Variants in FBXL7 observed in about 807,000 individuals in gnomAD.
The protein encoded by FBXL7 is F-box and leucine rich repeat protein 7.
FBXL7 carries 12 observed loss-of-function variants against 38.3 expected under a neutral mutation model. The observed-to-expected ratio is 0.31, with a 90% CI of 0.20 to 0.51. The LOEUF is 0.51. FBXL7 is among the 20% of genes least tolerant of loss of function. FBXL7 has a pLI of 0.98. For synonymous variants in FBXL7, 297 were observed against 300.9 expected (o/e 0.99, Z 0.13); for missense variants, 567 against 676.4 (o/e 0.84, Z 1.79).
At chr5:15,551,700 A>G (rs1738076433) in intron 1 of FBXL7, among the ~76,000 whole-genome samples, 1 of 152,190 alleles carries the variant, frequency 6.6e-6, no homozygotes, top group Non-Finnish European at 1.5e-5. Flanking sequence ...CAAAAAATCC[A>G]TTTTATGCCT....
chr5:15,675,947 T>C (rs1742641456), intron 2 of FBXL7, among the ~76,000 whole-genome samples: 1 of 152,186 alleles, frequency 6.6e-6, no homozygotes, highest in Non-Finnish European at 1.5e-5. Flanking sequence ...GCAACATTAA[T>C]GGAGACAGGG....
chr5:15,722,758 A>C lies in FBXL7; in HGVS notation c.127+106686A>C, dbSNP rs1037108616. On this transcript the variant is annotated intron_variant, in intron 2 of 3. Transcript: ENST00000504595. ...GCCAACGTGGTGAAACCCCGTCTCT[A>C]CTAAAAATACAAAAATTAGCCCAGC... 7.9e-5 allele frequency among the ~76,000 whole-genome samples: 12 copies of C among 152,218 alleles called. 1 individual carries two copies. In the South Asian group the frequency reaches 2.3e-3, roughly 29 times the overall value.
At chr5:15,735,708 A>G (rs763448826) in intron 2 of FBXL7, among the ~76,000 whole-genome samples, 3 of 152,242 alleles carry the variant, frequency 2.0e-5, no homozygotes, top group Non-Finnish European at 2.9e-5. Context: ...GAATGTCCGG[A>G]GAGAAGGGCT....
chr5:15,821,768 G>T (rs569651220), intron 2 of FBXL7, among the ~76,000 whole-genome samples: 23 of 152,148 alleles, frequency 1.5e-4, no homozygotes, highest in Admixed American at 8.5e-4. Flanking sequence ...TCCCCACCAA[G>T]CTCTACTTCC....
chr5:15,762,955 CT>C (rs1293671910), intron 2 of FBXL7, among the ~76,000 whole-genome samples: 1 of 152,052 alleles, frequency 6.6e-6, no homozygotes, highest in African/African-American at 2.4e-5. Flanking sequence ...AGTTTTTTCC[CT>C]TCTTAAATGG....
chr5:15,824,737 T>C (rs918926581), intron 2 of FBXL7, among the ~76,000 whole-genome samples: 9 of 152,322 alleles, frequency 5.9e-5, no homozygotes, highest in Middle Eastern at 6.8e-3. Flanking sequence ...CTGAGTCATG[T>C]TGGAAAACAC....
At chr5:15,812,824 T>G (rs1251643265) in intron 2 of FBXL7, among the ~76,000 whole-genome samples, 1 of 152,190 alleles carries the variant, frequency 6.6e-6, no homozygotes, top group Non-Finnish European at 1.5e-5. Flanking sequence ...TGGTTTGTAG[T>G]TCTCCTTGAA....
chr5:15,779,039 C>A (rs2126718867), intron 2 of FBXL7, among the ~76,000 whole-genome samples: 1 of 152,158 alleles, frequency 6.6e-6, no homozygotes, highest in South Asian at 2.1e-4. Flanking sequence ...TGATAATTGT[C>A]ATTACAGTAG....
At position 15,699,845 on chromosome 5, in the gene FBXL7, G is replaced by T. The variant is rs572529491; in HGVS notation, c.127+83773G>T. ...GCCCTGCCAGATCACAGCCCTAATT[G>T]ATGTTCTGCTGAATGTATTGGGTAA... On this transcript the variant is annotated intron_variant, in intron 2 of 3. Coordinates refer to ENST00000504595, the MANE Select transcript of FBXL7 (RefSeq NM_012304.5). Among the ~76,000 whole-genome samples the T allele has an allele frequency of 2.7e-4, 41 of 152,242 alleles. 1 individual carries two copies. Among genetic ancestry groups the T allele is most frequent in the African/African-American group, 8.9e-4 (37 of 41,546 alleles).
chr5:15,845,872 G>A (rs1738883914), intron 2 of FBXL7, among the ~76,000 whole-genome samples: 1 of 152,226 alleles, frequency 6.6e-6, no homozygotes, highest in Non-Finnish European at 1.5e-5. Flanking sequence ...TCGGGAGGCT[G>A]AGGCAGGAGA....
intron 1 of FBXL7, among the ~76,000 whole-genome samples, chr5:15,610,124 C>T (rs1740179960): frequency 6.6e-6 from 1 of 152,198 alleles, no homozygotes; most frequent in African/African-American, 2.4e-5. Flanking sequence ...GAAACCACCC[C>T]CATGATTCGG....
intron 2 of FBXL7, among the ~76,000 whole-genome samples, chr5:15,839,124 G>T (rs1391383830): frequency 6.6e-6 from 1 of 150,538 alleles, no homozygotes; most frequent in African/African-American, 2.4e-5. Context: ...GAATCCTACT[G>T]TTAGTACTTA....
At chr5:15,834,081 G>A (rs754099221) in intron 2 of FBXL7, among the ~76,000 whole-genome samples, 1 of 152,130 alleles carries the variant, frequency 6.6e-6, no homozygotes, top group African/African-American at 2.4e-5. Flanking sequence ...GTATTTGTTA[G>A]TGTATTTTCT....
chr5:15,665,802 A>G (rs1742255205), intron 2 of FBXL7, among the ~76,000 whole-genome samples: 1 of 152,136 alleles, frequency 6.6e-6, no homozygotes, highest in Non-Finnish European at 1.5e-5. Flanking sequence ...TCATTTTTAC[A>G]TATTCCATCA....
At chr5:15,854,733 G>A (rs1352983523) in intron 2 of FBXL7, among the ~76,000 whole-genome samples, 3 of 152,090 alleles carry the variant, frequency 2.0e-5, no homozygotes, top group Non-Finnish European at 4.4e-5. Context: ...TGAAGCGAGT[G>A]ACAAACATCC....
Position 15,515,681 on chromosome 5 carries a change from G to C in FBXL7, c.37+14968G>C, listed in dbSNP as rs190323756. On this transcript the variant is annotated intron_variant, in intron 1 of 3. Transcript: ENST00000504595. ...TCTGAAATCAGCATTTCGTGTTACT[G>C]GTTATTAAGAGTATTGGGGAATATG... Among the ~76,000 whole-genome samples, 6 of 152,248 alleles carry C rather than the reference G, an allele frequency of 3.9e-5. No individual in the cohort carries two copies. The East Asian group carries it at 1.2e-3, about 29-fold the overall frequency.
chr5:15,800,771 A>G (rs1040699592), intron 2 of FBXL7, among the ~76,000 whole-genome samples: 16 of 152,170 alleles, frequency 1.1e-4, no homozygotes, highest in African/African-American at 3.6e-4. Flanking sequence ...GGGTGTTATC[A>G]CAGAATTTTT....
intron 1 of FBXL7, among the ~76,000 whole-genome samples, chr5:15,557,679 C>A (rs1349250594): frequency 2.0e-5 from 3 of 152,140 alleles, no homozygotes; most frequent in African/African-American, 4.8e-5. Flanking sequence ...AGGAAAGTTG[C>A]CAGAGAGCCT....
At chr5:15,533,769 G>A (rs1737497783) in intron 1 of FBXL7, among the ~76,000 whole-genome samples, 1 of 152,274 alleles carries the variant, frequency 6.6e-6, no homozygotes, top group South Asian at 2.1e-4. Flanking sequence ...AATGCTTGAT[G>A]TGGATAATCT....
Sources: allele counts gnomAD v4.1 joint callset (sites outside exome capture counted in the v4.1 genomes callset), GRCh38; gene constraint gnomAD v4.1.1; transcripts MANE v1.5; gene names NCBI Gene and HGNC (gene_info 2026-07-23, HGNC 2026-07-21).